The following ABITRAM variants were observed in gnomAD, a reference collection of about 807,000 sequenced individuals.
ABITRAM encodes actin binding transcription modulator.
Under a neutral mutation model 22.9 loss-of-function variants are expected in ABITRAM, and 19 were observed. The ratio of observed to expected loss-of-function variants is 0.83; its 90% CI spans 0.58 to 1.22. The LOEUF is 1.22. Among genes scored for constraint, ABITRAM ranks in the 50% most tolerant of loss-of-function variants. The pLI, the probability that ABITRAM is intolerant of heterozygous loss-of-function variation, is 0.00. For missense variants in ABITRAM, 215 were observed against 220.2 expected (o/e 0.98, Z 0.15); for synonymous variants, 70 against 73.9 (o/e 0.95, Z 0.27).
intron 3 of ABITRAM, among the ~76,000 whole-genome samples, chr9:108,937,181 A>G (rs554491908): frequency 6.6e-6 from 1 of 152,236 alleles, no homozygotes; most frequent in African/African-American, 2.4e-5. Flanking sequence ...AACAAAAACA[A>G]AAACATGAAT....
At chr9:108,943,891 T>G, downstream of ABITRAM, 1 of 1,599,196 alleles carries the variant, frequency 6.3e-7, no homozygotes, top group Non-Finnish European at 8.6e-7. Flanking sequence ...CATTTATACA[T>G]TGATATTATA....
chr9:108,945,628 GT>G (rs11287261), downstream of ABITRAM, among the ~76,000 whole-genome samples: 123,372 of 140,382 alleles, frequency 0.88, 54,180 homozygotes, highest in East Asian at 0.97. Flanking sequence ...TGCCCCGCTA[GT>G]TTTTTTTTTT....
chr9:108,950,648 G>T, exon 4 of ABITRAM: 1 of 1,538,928 alleles, frequency 6.5e-7, no homozygotes. Context: ...ACTTCTGTCT[G>T]CTGCCTCACC....
intron 3 of ABITRAM, among the ~76,000 whole-genome samples, chr9:108,949,916 C>T (rs1291938670): frequency 6.7e-6 from 1 of 148,602 alleles, no homozygotes; most frequent in East Asian, 2.0e-4. Context: ...CCCAGCTACT[C>T]GGGAGGCTAA....
Position 108,934,428 on chromosome 9 carries a change from G to A in ABITRAM, c.-59G>A, listed in dbSNP as rs571574623. The A allele has an allele frequency of 4.1e-6, 6 of 1,479,576 alleles. No homozygotes were observed. The highest frequency in any genetic ancestry group is 1.4e-5 in the African/African-American group (1 of 69,332). The allele number at this position is 1,479,576 out of a possible 1,614,324, so 91.7% of individuals were successfully genotyped here. ...CGCCGGAAGAGCACGCCCAGTCCGG[G>A]CTGCGCGGAGGAAGCGCTGGGGTCC... On this transcript the variant is annotated 5_prime_UTR_variant, in exon 1 of 6. Transcript: ENST00000322940.
chr9:108,937,587 A>G (rs996381085), intron 3 of ABITRAM, among the ~76,000 whole-genome samples: 5 of 152,210 alleles, frequency 3.3e-5, no homozygotes, highest in East Asian at 3.9e-4. Context: ...TCCTCACTCA[A>G]GAAACTAGTG....
chr9:108,939,886 C>A lies in ABITRAM; in HGVS notation c.*200C>A. The stretch of plus-strand genomic sequence containing the variant: ...CCCATTTGTCTACAGCCTGCCAGAT[C>A]TGGCCTGCCCATGTACTCACACTGT... On this transcript the variant is annotated 3_prime_UTR_variant, in exon 6 of 6. Transcript: ENST00000322940. The A allele has an allele frequency of 1.8e-6, 1 of 565,118 alleles. No individual in the cohort carries two copies. The highest frequency in any genetic ancestry group is 3.0e-6 in the Non-Finnish European group (1 of 329,634). The allele number at this position is 565,118 out of a possible 1,614,324, so 35.0% of individuals were successfully genotyped here.
downstream of ABITRAM, chr9:108,942,500 A>T (rs1830271094): frequency 2.1e-6 from 1 of 477,264 alleles, no homozygotes. Flanking sequence ...TCCTTGAGAC[A>T]GTTGGGATAT....
intron 3 of ABITRAM, among the ~76,000 whole-genome samples, chr9:108,949,615 G>A (rs1013568324): frequency 2.6e-5 from 4 of 152,126 alleles, no homozygotes; most frequent in African/African-American, 7.2e-5. Context: ...AGGCTGAGGC[G>A]GGCAGATCAC....
At chr9:108,935,591 T>G (rs1186442721) in intron 1 of ABITRAM, 47 bp from the exon 2 acceptor site, 7 of 1,440,366 alleles carry the variant, frequency 4.9e-6, no homozygotes, top group African/African-American at 1.4e-5. Flanking sequence ...CACATAGTGG[T>G]AGTAAATATT....
intron 3 of ABITRAM, among the ~76,000 whole-genome samples, chr9:108,937,864 G>A (rs933466218): frequency 6.6e-6 from 1 of 151,796 alleles, no homozygotes; most frequent in African/African-American, 2.4e-5. Context: ...TGGGCATGGT[G>A]GCATGTGCCT....
At chr9:108,946,160 G>A (rs963925403) in intron 3 of ABITRAM, among the ~76,000 whole-genome samples, 11 of 152,100 alleles carry the variant, frequency 7.2e-5, no homozygotes, top group South Asian at 4.1e-4. Context: ...TTAGCTGGGC[G>A]TGGTAGCGCA....
downstream of ABITRAM, chr9:108,942,681 G>T (rs1199452889): frequency 1.5e-5 from 14 of 913,732 alleles, no homozygotes; most frequent in Non-Finnish European, 2.4e-5. Flanking sequence ...TAAAATTGAT[G>T]AATTTCTGAA....
Position 108,939,250 on chromosome 9 carries a change from G to T in ABITRAM, c.316G>T (p.Gly106Cys). The T allele has an allele frequency of 6.2e-7, 1 of 1,613,954 alleles. No homozygotes were observed. Among genetic ancestry groups the T allele is most frequent in the Non-Finnish European group, 8.5e-7 (1 of 1,179,940 alleles). ...APLCKIYCSDGEEYTVSSCVR... is the reference protein window; with the variant it reads ...APLCKIYCSDCEEYTVSSCVR... ...TCTCTGTAAGATTTACTGCTCAGAT[G>T]GTGAAGAATATACTGTGTCTAGGTG... Residue 106 changes from glycine to cysteine, a missense_variant, in exon 4 of 6, where the codon GGT becomes TGT. Physicochemically the swap from Gly to Cys is radical, Grantham distance 159 (BLOSUM62 -3). Transcript: ENST00000322940.
At position 108,934,566 on chromosome 9, in the gene ABITRAM, G is replaced by T; in HGVS notation, c.79+1G>T. On this transcript the variant is annotated splice_donor_variant, in intron 1 of 5. Coordinates refer to ENST00000322940, the MANE Select transcript of ABITRAM (RefSeq NM_017832.4). LOFTEE classifies it high-confidence loss of function. Reference sequence around the variant, plus strand: ...TACTTCACTCGCTGGTACAAACCGGGTAAGTGCGGAGTGATGTTGATCCCT... The same window carrying T: ...TACTTCACTCGCTGGTACAAACCGGTTAAGTGCGGAGTGATGTTGATCCCT... 1 of 1,602,634 alleles carries T rather than the reference G, an allele frequency of 6.2e-7. No individual in the cohort carries two copies.
chr9:108,944,135 G>A, downstream of ABITRAM: 1 of 1,013,958 alleles, frequency 9.9e-7, no homozygotes, highest in Non-Finnish European at 1.4e-6. Context: ...GATATAAAAA[G>A]TCTGTCAGGA....
intron 3 of ABITRAM, chr9:108,948,038 CTTTCTACT>C (rs1830454953): frequency 1.1e-6 from 1 of 896,848 alleles, no homozygotes; most frequent in African/African-American, 1.8e-5. Context: ...AGCCATCTAC[CTTTCTACT>C]TTTCTACTGC....
downstream of ABITRAM, chr9:108,942,933 T>C: frequency 6.2e-7 from 1 of 1,610,278 alleles, no homozygotes; most frequent in Non-Finnish European, 8.5e-7. Context: ...TTTTAAAGTA[T>C]GAGTCTAAAA....
At chr9:108,943,897 T>C, downstream of ABITRAM, 6 of 1,598,682 alleles carry the variant, frequency 3.8e-6, no homozygotes, top group Non-Finnish European at 4.3e-6. Context: ...TACATTGATA[T>C]TATACCCCCA....
Sources: gnomAD v4.1 joint callset for allele counts (sites outside exome capture counted in the v4.1 genomes callset) on GRCh38, gnomAD v4.1.1 for gene constraint, MANE v1.5 for transcripts, NCBI Gene and HGNC (gene_info 2026-07-23, HGNC 2026-07-21) for gene names.